Variants in LZTR1 observed in about 807,000 individuals in gnomAD.
LZTR1 encodes leucine zipper like post translational regulator 1, also known as leucine-zipper-like transcriptional regulator 1.
A neutral mutation model predicts 105.7 loss-of-function variants in LZTR1; 260 were observed. That is an observed-to-expected ratio of 2.46 (90% CI 2.22 to 2.72). LZTR1 has a LOEUF of 2.72. LZTR1 is among the 30% of genes most tolerant of loss of function. The probability of loss-of-function intolerance (pLI) is 0.00; values close to 1 mark genes in which losing one functional copy is unlikely to be tolerated. For missense variants in LZTR1, 1,214 were observed against 1,166.9 expected (o/e 1.04, Z -0.59); for synonymous variants, 490 against 476.4 (o/e 1.03, Z -0.37).
intron 2 of LZTR1, among the ~76,000 whole-genome samples, chr22:20,983,378 C>G (rs970649067): frequency 5.3e-5 from 8 of 152,252 alleles, no homozygotes; most frequent in African/African-American, 1.9e-4. Flanking sequence ...CACAACCACC[C>G]TTGCGGCCAG....
intron 8 of LZTR1, chr22:20,990,849 C>A (rs1569155734): frequency 7.8e-6 from 2 of 256,220 alleles, no homozygotes; most frequent in Non-Finnish European, 1.5e-5. Flanking sequence ...CAAATAATGG[C>A]AGAAGACCAG....
Position 20,994,971 on chromosome 22 carries a change from G to A in LZTR1, c.1887G>A (p.Val629=). Residue 629 remains valine, a synonymous_variant, in exon 16 of 21, where the codon GTG becomes GTA. Coordinates refer to ENST00000646124, the MANE Select transcript of LZTR1 (RefSeq NM_006767.4). The stretch of plus-strand genomic sequence containing the variant: ...CCTCTCCACTGATAGTGGAGATTGT[G>A]CGGCGGAAGCAGCAGCCGCCCCCTC... ...RLSSPLIVEI[V]RRKQQPPPRT... 6.2e-7 allele frequency: 1 copy of A among 1,613,196 alleles called. No homozygotes were observed. The highest frequency in any genetic ancestry group is 8.5e-7 in the Non-Finnish European group (1 of 1,179,994).
At chr22:20,995,137 T>C in intron 16 of LZTR1, 111 bp downstream of exon 16, 1 of 1,249,472 alleles carries the variant, frequency 8.0e-7, no homozygotes, top group Non-Finnish European at 1.1e-6. Context: ...TGGGGGTGGG[T>C]GCCATGGGAC....
chr22:20,991,324 G>C lies in LZTR1; in HGVS notation c.792-304G>C, dbSNP rs117710462. 9,987 of 440,560 alleles carry C rather than the reference G, an allele frequency of 0.023. 635 individuals carry two copies. Among genetic ancestry groups the C allele is most frequent in the East Asian group, 0.18 (4,768 of 25,936 alleles). The allele number at this position is 440,560 out of a possible 1,614,324, so 27.3% of individuals were successfully genotyped here. Reference sequence around the variant, plus strand: ...TCTCTGCACAACTTTACTCCCCAGAGAGCAGGACTGCCTGGGCGGGTCAGA... The same window carrying C: ...TCTCTGCACAACTTTACTCCCCAGACAGCAGGACTGCCTGGGCGGGTCAGA... On this transcript the variant is annotated intron_variant, in intron 8 of 20. Transcript: ENST00000646124.
At chr22:20,996,167 A>C in intron 18 of LZTR1, 55 bp downstream of exon 18, 1 of 1,581,586 alleles carries the variant, frequency 6.3e-7, no homozygotes, top group Non-Finnish European at 8.6e-7. Context: ...CCTGGCACCC[A>C]CCTCAGGTGG....
chr22:20,983,325 G>A (rs1479265302), intron 2 of LZTR1, among the ~76,000 whole-genome samples: 1 of 152,256 alleles, frequency 6.6e-6, no homozygotes, highest in Non-Finnish European at 1.5e-5. Context: ...TGCTCAGTAT[G>A]TGGAAATGTC....
rs765714803 is a variant in LZTR1, at chr22:20,996,900, T to C, written c.2340T>C (p.Ala780=). ...TGCCATTGCAGATCCTGGAGGCAGC[T>C]GACAAAACGCAGGCACTGGACATGA... ...VQNVLQILEA[A]DKTQALDMKR... is the part of the protein sequence containing the mutation. Residue 780 remains alanine (A), a synonymous_variant, in exon 20 of 21, where the codon GCT becomes GCC. Transcript: ENST00000646124. The C allele has an allele frequency of 6.2e-7, 1 of 1,612,294 alleles. No individual in the cohort carries two copies. Among genetic ancestry groups the C allele is most frequent in the Admixed American group, 1.7e-5 (1 of 59,970 alleles).
intron 8 of LZTR1, 144 bp downstream of exon 8, chr22:20,990,669 A>C: frequency 1.1e-6 from 1 of 876,686 alleles, no homozygotes; most frequent in Non-Finnish European, 1.7e-6. Flanking sequence ...AGCCCGGAGC[A>C]GGGATGTGCG....
chr22:20,987,349 A>G (rs1203732860), intron 3 of LZTR1, among the ~76,000 whole-genome samples, 155 bp from the exon 4 acceptor site: 6 of 150,426 alleles, frequency 4.0e-5, no homozygotes, highest in Non-Finnish European at 1.5e-5. Context: ...GGATCGTGCC[A>G]CTGCACTCCA....
chr22:20,988,298 C>T (rs149343419), intron 5 of LZTR1, among the ~76,000 whole-genome samples, 180 bp downstream of exon 5: 499 of 152,248 alleles, frequency 3.3e-3, no homozygotes, highest in Non-Finnish European at 5.1e-3. Context: ...CCTTAGACTC[C>T]CTCCTTTCAG....
rs1312334046 is a variant in LZTR1 at position 20,993,740 on chromosome 22, T to A, written c.1339T>A (p.Phe447Ile). ...WESRQFCDVE[F>I]VLGEKEECVQ... ...GAGCCGCCAGTTCTGCGACGTGGAG[T>A]TCGTGCTGGGTGAGGTGGGTGCCTG... Residue 447 changes from phenylalanine to isoleucine, a missense_variant, in exon 12 of 21, where the codon TTC becomes ATC. By Grantham distance (21) the Phe-to-Ile change is conservative. Coordinates refer to ENST00000646124, the MANE Select transcript of LZTR1 (RefSeq NM_006767.4). 2 of 1,612,946 alleles carry A rather than the reference T, an allele frequency of 1.2e-6. No individual in the cohort carries two copies. Among genetic ancestry groups the A allele is most frequent in the South Asian group, 1.1e-5 (1 of 91,054 alleles).
rs762260530 is a variant in LZTR1, at chr22:20,995,901, G to A, written c.2069+29G>A. 12 of 1,612,984 alleles carry A rather than the reference G, an allele frequency of 7.4e-6. No homozygotes were observed. In the South Asian group the frequency reaches 1.3e-4, roughly 18 times the overall value. On this transcript the variant is annotated intron_variant, in intron 17 of 20. Transcript: ENST00000646124. ...GGTGGGGGCTGGACAGGAGGGGAGG[G>A]TGGGCCTGGATGGTGTCTTCGTTCT...
Position 20,988,716 on chromosome 22 carries a change from G to T in LZTR1, c.510-73G>T. 2.7e-6 allele frequency: 3 copies of T among 1,130,010 alleles called. No homozygotes were observed. In the South Asian group the frequency reaches 3.7e-5, roughly 14 times the overall value. The allele number at this position is 1,130,010 out of a possible 1,614,324, so 70.0% of individuals were successfully genotyped here. A position where few individuals can be genotyped will look rare whatever the true frequency, so the allele number is the denominator to read the frequency against. ...GCAGCCTGGCTGTGGCCCCTGCACT[G>T]ACCACATGGGGCTGGGTGGCTCAGG... On this transcript the variant is annotated intron_variant, in intron 5 of 20. Coordinates refer to ENST00000646124, the MANE Select transcript of LZTR1 (RefSeq NM_006767.4).
In LZTR1 at chr22:20,994,862, T is replaced by C. The variant is rs201592749; in HGVS notation, c.1786-8T>C. 3.1e-6 allele frequency: 5 copies of C among 1,613,024 alleles called. No individual in the cohort carries two copies. The East Asian group carries it at 1.1e-4, about 36-fold the overall frequency. On this transcript the variant is annotated splice_polypyrimidine_tract_variant and splice_region_variant and intron_variant, in intron 15 of 20. Coordinates refer to ENST00000646124, the MANE Select transcript of LZTR1 (RefSeq NM_006767.4). The stretch of plus-strand genomic sequence containing the variant: ...CTCTGCCTGCCTGCCTGTGCCTGTC[T>C]GCCCCAGGAGCACTGCCTGAACTTC...
chr22:20,996,859 A>G, intron 19 of LZTR1, 27 bp from the exon 20 acceptor site: 1 of 1,612,572 alleles, frequency 6.2e-7, no homozygotes, highest in Non-Finnish European at 8.5e-7. Flanking sequence ...TGAAAGGGGC[A>G]GCGCCTCAAG....
chr22:20,994,269 G>T lies in LZTR1; in HGVS notation c.1615G>T (p.Gly539Cys), dbSNP rs1232362523. ...YTDKIKYPRK[G>C]HVEDVLLIMD... ...CGACAAGATCAAATACCCACGGAAA[G>T]GTCCGCCTGGGTGGGGGTGGAGCAG... Residue 539 changes from glycine (G) to cysteine (C), a missense_variant and splice_region_variant, in exon 14 of 21, where the codon GGC (glycine) becomes TGC (cysteine). By Grantham distance (159) the Gly-to-Cys change is radical (BLOSUM62 -3). Transcript: ENST00000646124. 5 of 1,597,398 alleles carry T rather than the reference G, an allele frequency of 3.1e-6. No individual in the cohort carries two copies. The highest frequency in any genetic ancestry group is 4.2e-6 in the Non-Finnish European group (5 of 1,179,002).
Position 20,982,369 on chromosome 22 carries a change from G to C in LZTR1, c.-3G>C. 6.5e-7 allele frequency: 1 copy of C among 1,549,606 alleles called. No homozygotes were observed. Among genetic ancestry groups the C allele is most frequent in the Non-Finnish European group, 8.7e-7 (1 of 1,146,006 alleles). On this transcript the variant is annotated 5_prime_UTR_variant, in exon 1 of 21. Transcript: ENST00000646124. The stretch of plus-strand genomic sequence containing the variant: ...AGCGCGGCCGATCCGGCGTGGACCC[G>C]GGATGGCTGGACCGGGCAGCACGGG...
chr22:20,984,618 G>GC (rs1555927179), intron 2 of LZTR1, among the ~76,000 whole-genome samples: 5 of 105,832 alleles, frequency 4.7e-5, no homozygotes, highest in Admixed American at 2.7e-4. Flanking sequence ...TAAGGAGGGG[G>GC]GGGGGGCGGT....
chr22:20,992,102 GCAGCT>G lies in LZTR1; in HGVS notation c.994-110_994-106del, dbSNP rs1484904774. On this transcript the variant is annotated intron_variant, in intron 9 of 20. Coordinates refer to ENST00000646124, the MANE Select transcript of LZTR1 (RefSeq NM_006767.4). ...CCTTTCCTGGGAAGCCCACGGCCATGCAGCTCTTCCTTCTTTCAGAACCCACTCTC... is the reference window on the plus strand; with the variant it reads ...CCTTTCCTGGGAAGCCCACGGCCATGCTTCCTTCTTTCAGAACCCACTCTC... 13 of 1,103,670 alleles carry G rather than the reference GCAGCT, an allele frequency of 1.2e-5. No individual in the cohort carries two copies. The African/African-American group carries it at 2.0e-4, about 17-fold the overall frequency. 68.4% of individuals were successfully genotyped at this position (1,103,670 alleles called of 1,614,324 possible). A position where few individuals can be genotyped will look rare whatever the true frequency, so the allele number is the denominator to read the frequency against.
Sources: allele counts gnomAD v4.1 joint callset (sites outside exome capture counted in the v4.1 genomes callset), GRCh38; gene constraint gnomAD v4.1.1; transcripts MANE v1.5; gene names NCBI Gene and HGNC (gene_info 2026-07-23, HGNC 2026-07-21).